The following PIDD1 variants were observed in gnomAD, a reference collection of about 807,000 sequenced individuals.
PIDD1 encodes the protein p53-induced death domain protein 1.
A neutral mutation model predicts 80.0 loss-of-function variants in PIDD1; 72 were observed. The observed-to-expected ratio is 0.90, with a 90% CI of 0.74 to 1.09. The LOEUF (loss-of-function observed/expected upper bound fraction) is 1.09. Among genes scored for constraint, PIDD1 ranks in the 50% least tolerant of loss-of-function variants. The pLI is 0.00. For missense variants in PIDD1, 1,329 were observed against 1,228.3 expected (o/e 1.08, Z -1.23); for synonymous variants, 655 against 543.5 (o/e 1.21, Z -2.85).
chr11:806,003 G>C (rs1865752690), upstream of PIDD1: 1 of 151,900 alleles, frequency 6.6e-6, no homozygotes, highest in Non-Finnish European at 1.5e-5. Context: ...GGAGGCTGAG[G>C]CAGAAGAATG....
chr11:809,185 TG>T (rs1412534345), upstream of PIDD1, among the ~76,000 whole-genome samples: 5 of 152,202 alleles, frequency 3.3e-5, no homozygotes, highest in African/African-American at 1.2e-4. Context: ...CCTGAGGTGC[TG>T]ATGTCCACAT....
upstream of PIDD1, among the ~76,000 whole-genome samples, chr11:808,137 T>C (rs1260046153): frequency 6.9e-6 from 1 of 145,406 alleles, no homozygotes. Context: ...AAAAAAAAAG[T>C]GAGATGGGGC....
chr11:802,385 G>A lies in PIDD1; in HGVS notation c.986C>T (p.Thr329Ile). The A allele has an allele frequency of 6.2e-7, 1 of 1,612,056 alleles. No individual in the cohort carries two copies. Among genetic ancestry groups the A allele is most frequent in the Non-Finnish European group, 8.5e-7 (1 of 1,179,786 alleles). The change falls in exon 6 of 16, where the codon ACC (threonine) becomes ATC (isoleucine). Residue 329 changes from threonine (T) to isoleucine (I), a missense_variant. Transcript: ENST00000347755. ...LTSDLDSFPV[T>I]PQGCSVTLAC... ...CAGGGTCACTGAGCAGCCTTGAGGG[G>A]TCACAGGAAAGCTGAGTGAGGAAGG...
upstream of PIDD1, chr11:805,288 C>A (rs559700658): frequency 3.1e-4 from 291 of 923,938 alleles, 2 homozygotes; most frequent in African/African-American, 5.1e-3. Context: ...GCCCCTTGGG[C>A]CCCGCCCCCT....
In PIDD1 at chr11:799,850, G is replaced by A. The variant is rs778370127; in HGVS notation, c.2439C>T (p.Ser813=). ...GCCGGATGCGCTGCACCTCCCGGTAGGACACCCCCAGGTGCAGGGCCACGG... is the reference window on the plus strand; with the variant it reads ...GCCGGATGCGCTGCACCTCCCGGTAAGACACCCCCAGGTGCAGGGCCACGG... ...WPAVALHLGV[S]YREVQRIRHE... The change falls in exon 15 of 16, where the codon TCC becomes TCT. Residue 813 remains serine, a synonymous_variant. Transcript: ENST00000347755. 6.2e-7 allele frequency: 1 copy of A among 1,606,670 alleles called. No homozygotes were observed. The highest frequency in any genetic ancestry group is 1.7e-5 in the Admixed American group (1 of 59,488).
chr11:806,717 G>T (rs567889307), upstream of PIDD1, among the ~76,000 whole-genome samples: 50 of 152,098 alleles, frequency 3.3e-4, no homozygotes, highest in Non-Finnish European at 5.0e-4. Context: ...TGAGTAGCTG[G>T]GACTACAGGC....
At position 800,749 on chromosome 11, in the gene PIDD1, C is replaced by T. The variant is rs1207334269; in HGVS notation, c.1917+13G>A. 2 of 1,545,400 alleles carry T rather than the reference C, an allele frequency of 1.3e-6. No homozygotes were observed. Among genetic ancestry groups the T allele is most frequent in the African/African-American group, 1.4e-5 (1 of 73,204 alleles). On this transcript the variant is annotated intron_variant, in intron 11 of 15. Transcript: ENST00000347755. The stretch of plus-strand genomic sequence containing the variant: ...TGGTCACCACCCTGCTGCCCTCCGG[C>T]CCGTGCCCCCACCTTGTTTCGGGGC...
At chr11:808,613 C>T (rs1340484280), upstream of PIDD1, among the ~76,000 whole-genome samples, 1 of 152,132 alleles carries the variant, frequency 6.6e-6, no homozygotes, top group African/African-American at 2.4e-5. Flanking sequence ...GGAGGATCAC[C>T]TGAGCCCAGG....
At chr11:800,075 C>G (rs748411024) in intron 14 of PIDD1, 56 bp downstream of exon 14, 7 of 1,602,976 alleles carry the variant, frequency 4.4e-6, no homozygotes, top group African/African-American at 1.3e-5. Context: ...CCATGTCACC[C>G]TGGTCACCCC....
Position 801,217 on chromosome 11 carries a change from C to T in PIDD1, c.1630+1G>A. 6.5e-7 allele frequency: 1 copy of T among 1,550,282 alleles called. No individual in the cohort carries two copies. The highest frequency in any genetic ancestry group is 8.7e-7 in the Non-Finnish European group (1 of 1,145,360). On this transcript the variant is annotated splice_donor_variant, in intron 9 of 15. Coordinates refer to ENST00000347755, the MANE Select transcript of PIDD1 (RefSeq NM_145886.4). LOFTEE classifies it high-confidence loss of function. ...AGGTATGCCCCATGGCTGCCTCTCA[C>T]CTGTGATGCCAGAGGGCAGAGGCAG...
upstream of PIDD1, among the ~76,000 whole-genome samples, chr11:807,294 T>C (rs991221431): frequency 6.6e-6 from 1 of 150,822 alleles, no homozygotes; most frequent in Non-Finnish European, 1.5e-5. Context: ...GAGACCATCC[T>C]GGCTAACAAG....
chr11:805,392 G>A (rs898767480), upstream of PIDD1: 11 of 330,376 alleles, frequency 3.3e-5, no homozygotes, highest in African/African-American at 2.2e-4. Context: ...CAGCCCCGGA[G>A]ACGCGGACGC....
At chr11:807,713 G>C (rs147192443), upstream of PIDD1, among the ~76,000 whole-genome samples, 145 of 150,894 alleles carry the variant, frequency 9.6e-4, 4 homozygotes, top group East Asian at 0.02. Flanking sequence ...GGAGGCAGAG[G>C]TTGCAGTGAG....
chr11:802,341 G>A lies in PIDD1; in HGVS notation c.1030C>T (p.Gln344Ter). The change falls in exon 6 of 16, where the codon CAG becomes TAG. Residue 344 changes from glutamine to a stop codon, truncating the protein, a stop_gained. Coordinates refer to ENST00000347755, the MANE Select transcript of PIDD1 (RefSeq NM_145886.4). LOFTEE classifies it high-confidence loss of function. ...GTGGCGGTGGCTCCCGCTGGGAACT[G>A]CAGGCGGACGCCACAGGCCAGGGTC... is the stretch of plus-strand genomic sequence containing the variant. ...SVTLACGVRLQFPAGATATPI... is the reference protein window; with the variant it reads ...SVTLACGVRL 2 of 1,611,808 alleles carry A rather than the reference G, an allele frequency of 1.2e-6. No individual in the cohort carries two copies. Among genetic ancestry groups the A allele is most frequent in the Middle Eastern group, 1.8e-4 (1 of 5,676 alleles).
intron 4 of PIDD1, 35 bp from the exon 5 acceptor site, chr11:802,632 A>G (rs1865459026): frequency 6.2e-7 from 1 of 1,607,938 alleles, no homozygotes; most frequent in Admixed American, 1.7e-5. Context: ...CAGGACAGTG[A>G]GGAGACTCAT....
rs777429627 is a variant in PIDD1, at chr11:800,409, T to C, written c.2084A>G (p.Tyr695Cys). 6.4e-7 allele frequency: 1 copy of C among 1,571,974 alleles called. No homozygotes were observed. The highest frequency in any genetic ancestry group is 8.7e-7 in the Non-Finnish European group (1 of 1,152,598). Residue 695 changes from tyrosine to cysteine, a missense_variant, in exon 13 of 16, where the codon TAC becomes TGC. Coordinates refer to ENST00000347755, the MANE Select transcript of PIDD1 (RefSeq NM_145886.4). ...CTCCTTCACATTCTTCAGGTGCGAG[T>C]AGAAGACAAAGCAGATTCTGCCCTC... ...CVEGRICFVF[Y>C]SHLKNVKEVY...
In PIDD1 at chr11:801,438, G is replaced by A. The variant is rs757346637; in HGVS notation, c.1482+7C>T. 5.3e-5 allele frequency: 82 copies of A among 1,554,238 alleles called. No individual in the cohort carries two copies. The highest frequency in any genetic ancestry group is 6.6e-5 in the Non-Finnish European group (76 of 1,148,558). On this transcript the variant is annotated splice_region_variant and intron_variant, in intron 8 of 15. Coordinates refer to ENST00000347755, the MANE Select transcript of PIDD1 (RefSeq NM_145886.4). ...GCCTGCCACCCTCAGTGCTGTCCTG[G>A]CCATACCTGCATGGAGACTCGACGA...
intron 15 of PIDD1, 121 bp downstream of exon 15, chr11:799,694 G>A (rs1865071462): frequency 2.2e-6 from 3 of 1,384,522 alleles, no homozygotes; most frequent in Non-Finnish European, 2.9e-6. Flanking sequence ...TTCCTTTCCA[G>A]CCTGGTGTTT....
chr11:803,584 C>G lies in PIDD1; in HGVS notation c.299G>C (p.Gly100Ala). ...GGCACCCAGTGTGTCCCGGCGTTGCCCTCCTGGGAAGGGGGGAGGCGGATG... is the reference window on the plus strand; with the variant it reads ...GGCACCCAGTGTGTCCCGGCGTTGCGCTCCTGGGAAGGGGGGAGGCGGATG... ...SCLRSLVLKG[G>A]QRRDTLGACL... The change falls in exon 3 of 16, where the codon GGG (glycine) becomes GCG (alanine). Residue 100 changes from glycine to alanine, a missense_variant. Coordinates refer to ENST00000347755, the MANE Select transcript of PIDD1 (RefSeq NM_145886.4). 6.2e-7 allele frequency: 1 copy of G among 1,605,066 alleles called. No individual in the cohort carries two copies. The highest frequency in any genetic ancestry group is 8.5e-7 in the Non-Finnish European group (1 of 1,175,426).
Sources: allele counts gnomAD v4.1 joint callset (sites outside exome capture counted in the v4.1 genomes callset), GRCh38; gene constraint gnomAD v4.1.1; transcripts MANE v1.5; gene names NCBI Gene and HGNC (gene_info 2026-07-23, HGNC 2026-07-21).